IFT43: variants seen among roughly 807,000 people sequenced by gnomAD.
IFT43 encodes the protein intraflagellar transport protein 43 homolog.
Under a neutral mutation model 32.3 loss-of-function variants are expected in IFT43, and 33 were observed. The ratio of observed to expected loss-of-function variants is 1.02; its 90% CI spans 0.77 to 1.37. The LOEUF (loss-of-function observed/expected upper bound fraction) is 1.37. IFT43 is among the 40% of genes most tolerant of loss of function. The probability of loss-of-function intolerance (pLI) is 0.00; values close to 1 mark genes in which losing one functional copy is unlikely to be tolerated. For synonymous variants in IFT43, 93 were observed against 98.2 expected (o/e 0.95, Z 0.31); for missense variants, 274 against 265.9 (o/e 1.03, Z -0.21).
intron 2 of IFT43, among the ~76,000 whole-genome samples, chr14:76,013,085 G>A (rs369137330): frequency 5.8e-4 from 89 of 152,242 alleles, no homozygotes; most frequent in African/African-American, 1.8e-3. Context: ...CTCTTGAGTT[G>A]ATGGGCTTTA....
intron 2 of IFT43, among the ~76,000 whole-genome samples, chr14:75,993,620 A>G (rs1333254273): frequency 6.6e-6 from 1 of 152,196 alleles, no homozygotes; most frequent in Non-Finnish European, 1.5e-5. Context: ...ATCAAACAGG[A>G]GCAATTTTTC....
intron 3 of IFT43, among the ~76,000 whole-genome samples, chr14:76,049,072 G>A (rs552598245): frequency 1.3e-5 from 2 of 152,194 alleles, no homozygotes; most frequent in Non-Finnish European, 2.9e-5. Context: ...CTTCTGTACA[G>A]GAAAAGTAAA....
chr14:75,987,981 A>C (rs987627025), intron 1 of IFT43, among the ~76,000 whole-genome samples: 3 of 152,198 alleles, frequency 2.0e-5, no homozygotes, highest in African/African-American at 7.2e-5. Flanking sequence ...TTTGATAATG[A>C]TTTTCATGCC....
chr14:76,078,458 A>C (rs773877141), intron 5 of IFT43, among the ~76,000 whole-genome samples: 4 of 152,276 alleles, frequency 2.6e-5, no homozygotes, highest in Non-Finnish European at 5.9e-5. Flanking sequence ...GACCATGTCT[A>C]TTTTATTTGC....
chr14:75,991,388 A>AGTGT (rs34624480), intron 2 of IFT43, among the ~76,000 whole-genome samples: 6,174 of 141,950 alleles, frequency 0.043, 144 homozygotes, highest in Non-Finnish European at 0.064. Context: ...TATTAACAAG[A>AGTGT]GTGTGTGTGT....
intron 2 of IFT43, among the ~76,000 whole-genome samples, chr14:76,012,018 G>C (rs115424242): frequency 0.014 from 2,136 of 152,330 alleles, 56 homozygotes; most frequent in African/African-American, 0.045. Context: ...AGTCAGTAAT[G>C]TAAGATTGAA....
intron 5 of IFT43, among the ~76,000 whole-genome samples, chr14:76,081,943 A>G (rs2037517443): frequency 2.0e-5 from 3 of 152,166 alleles, no homozygotes; most frequent in South Asian, 4.1e-4. Flanking sequence ...TCTTTCCTCT[A>G]ATAAGCCCTT....
intron 5 of IFT43, among the ~76,000 whole-genome samples, chr14:76,075,451 T>G (rs910647904): frequency 6.6e-6 from 1 of 152,246 alleles, no homozygotes; most frequent in African/African-American, 2.4e-5. Flanking sequence ...GCCTGTTGCC[T>G]CCTGCTTTCC....
intron 2 of IFT43, among the ~76,000 whole-genome samples, chr14:75,991,376 A>AAATATTAACAAGAGTGTGTGTGTGT (rs1566694298): frequency 7.3e-6 from 1 of 137,326 alleles, no homozygotes; most frequent in African/African-American, 2.9e-5. Context: ...TATATATATA[A>AAATATTAACAAGAGTGTGTGTGTGT]ATATTAACAA....
intron 3 of IFT43, among the ~76,000 whole-genome samples, chr14:76,043,085 G>A (rs910881870): frequency 2.0e-5 from 3 of 152,164 alleles, no homozygotes; most frequent in African/African-American, 7.2e-5. Context: ...CAGTGCCCTT[G>A]GCCTCTGTCT....
At chr14:76,014,405 C>T (rs1318158688) in intron 2 of IFT43, among the ~76,000 whole-genome samples, 1 of 152,148 alleles carries the variant, frequency 6.6e-6, no homozygotes, top group Non-Finnish European at 1.5e-5. Flanking sequence ...TTCAAACTGC[C>T]ACATTATGAT....
intron 3 of IFT43, among the ~76,000 whole-genome samples, chr14:76,049,459 T>G (rs1240241681): frequency 5.6e-3 from 20 of 3,570 alleles, no homozygotes; most frequent in African/African-American, 0.014. Flanking sequence ...AGCTGTGTGT[T>G]TTTTTTTTTT....
At chr14:75,988,667 C>T (rs1260971650) in intron 1 of IFT43, among the ~76,000 whole-genome samples, 6 of 152,176 alleles carry the variant, frequency 3.9e-5, no homozygotes, top group Non-Finnish European at 5.9e-5. Flanking sequence ...TACAGGCGCC[C>T]GCCACAACGC....
intron 3 of IFT43, among the ~76,000 whole-genome samples, chr14:76,024,972 C>T (rs749586278): frequency 1.3e-5 from 2 of 152,180 alleles, no homozygotes; most frequent in African/African-American, 4.8e-5. Context: ...GCCTGTAAGT[C>T]AGAAGGAGCA....
At chr14:76,011,656 G>A (rs191032874) in intron 2 of IFT43, among the ~76,000 whole-genome samples, 5 of 152,222 alleles carry the variant, frequency 3.3e-5, no homozygotes, top group South Asian at 2.1e-4. Flanking sequence ...TTTCTTATAC[G>A]TAAAATAGAC....
At chr14:76,003,760 A>G (rs2035932718) in intron 2 of IFT43, among the ~76,000 whole-genome samples, 1 of 152,052 alleles carries the variant, frequency 6.6e-6, no homozygotes, top group African/African-American at 2.4e-5. Flanking sequence ...GAACTTTGCA[A>G]TACAGTTTGT....
At chr14:75,988,622 G>T (rs1253811949) in intron 1 of IFT43, among the ~76,000 whole-genome samples, 1 of 152,036 alleles carries the variant, frequency 6.6e-6, no homozygotes, top group South Asian at 2.1e-4. Context: ...AGGTTCAAGC[G>T]ATTCTCCCGC....
intron 5 of IFT43, among the ~76,000 whole-genome samples, chr14:76,074,970 C>CT (rs1249464004): frequency 6.6e-6 from 1 of 152,172 alleles, no homozygotes; most frequent in African/African-American, 2.4e-5. Context: ...GGTCTGTGAT[C>CT]TTTTTTCCCC....
chr14:76,061,824 C>G (rs2037140771), intron 5 of IFT43, among the ~76,000 whole-genome samples: 1 of 152,044 alleles, frequency 6.6e-6, no homozygotes, highest in Non-Finnish European at 1.5e-5. Flanking sequence ...TTGCATTATG[C>G]TTATCTAGTT....
Sources: allele counts gnomAD v4.1 joint callset (sites outside exome capture counted in the v4.1 genomes callset), GRCh38; gene constraint gnomAD v4.1.1; transcripts MANE v1.5; gene names NCBI Gene and HGNC (gene_info 2026-07-23, HGNC 2026-07-21).